The following FARS2 variants were observed in gnomAD, a reference collection of about 807,000 sequenced individuals.
FARS2 encodes phenylalanyl-tRNA synthetase 2, mitochondrial.
FARS2 carries 40 observed loss-of-function variants against 46.4 expected under a neutral mutation model. The observed-to-expected ratio is 0.86, with a 90% CI of 0.67 to 1.12. The LOEUF (loss-of-function observed/expected upper bound fraction) is 1.12. FARS2 is among the 50% of genes most tolerant of loss of function. The pLI, the probability that FARS2 is intolerant of heterozygous loss-of-function variation, is 0.00. For synonymous variants in FARS2, 234 were observed against 214.9 expected (o/e 1.09, Z -0.78); for missense variants, 513 against 567.9 (o/e 0.90, Z 0.98).
intron 6 of FARS2, among the ~76,000 whole-genome samples, chr6:5,689,858 A>T (rs902262511): frequency 6.6e-6 from 1 of 152,042 alleles, no homozygotes; most frequent in Non-Finnish European, 1.5e-5. Context: ...GTCTCTAAGG[A>T]CTTGCTTTAT....
chr6:5,418,274 A>C (rs1187914982), intron 3 of FARS2, among the ~76,000 whole-genome samples: 1 of 152,204 alleles, frequency 6.6e-6, no homozygotes, highest in Non-Finnish European at 1.5e-5. Flanking sequence ...ATATTGCCAA[A>C]CATTGTTAAT....
chr6:5,730,678 G>A (rs959393293), intron 6 of FARS2, among the ~76,000 whole-genome samples: 1 of 152,102 alleles, frequency 6.6e-6, no homozygotes, highest in Non-Finnish European at 1.5e-5. Context: ...CATCACAAAG[G>A]ACAGATTTTG....
At chr6:5,740,132 G>A (rs968780411) in intron 6 of FARS2, among the ~76,000 whole-genome samples, 3 of 152,190 alleles carry the variant, frequency 2.0e-5, no homozygotes, top group African/African-American at 7.2e-5. Context: ...AGTGGCATCT[G>A]TCTGCTGTGT....
intron 6 of FARS2, among the ~76,000 whole-genome samples, chr6:5,731,703 A>G (rs940582397): frequency 5.9e-5 from 9 of 152,146 alleles, no homozygotes; most frequent in African/African-American, 2.2e-4. Context: ...AAACCTATGG[A>G]TCTTTCACTT....
At chr6:5,760,231 A>T (rs1762412603) in intron 6 of FARS2, among the ~76,000 whole-genome samples, 1 of 152,254 alleles carries the variant, frequency 6.6e-6, no homozygotes, top group Admixed American at 6.5e-5. Context: ...AAGTTTTACA[A>T]CATAACACAG....
chr6:5,749,485 C>T (rs1338840706), intron 6 of FARS2, among the ~76,000 whole-genome samples: 1 of 152,186 alleles, frequency 6.6e-6, no homozygotes, highest in Non-Finnish European at 1.5e-5. Flanking sequence ...TCTGTGTCAC[C>T]TCCTGCTGCC....
At chr6:5,370,801 GTAGT>G (rs933589691) in intron 2 of FARS2, among the ~76,000 whole-genome samples, 12 of 152,154 alleles carry the variant, frequency 7.9e-5, no homozygotes, top group African/African-American at 2.9e-4. Context: ...GTCCAATTTG[GTAGT>G]TAGTACAAAT....
At chr6:5,295,201 T>C (rs1485981637) in intron 1 of FARS2, among the ~76,000 whole-genome samples, 1 of 152,234 alleles carries the variant, frequency 6.6e-6, no homozygotes, top group Non-Finnish European at 1.5e-5. Context: ...TGTGCCGTCA[T>C]ATACGTTATA....
At chr6:5,567,229 T>C (rs1016697396) in intron 5 of FARS2, among the ~76,000 whole-genome samples, 1 of 152,230 alleles carries the variant, frequency 6.6e-6, no homozygotes, top group African/African-American at 2.4e-5. Context: ...TGGTATCTCA[T>C]TGGGATTTTG....
chr6:5,751,404 T>C (rs1239961316), intron 6 of FARS2, among the ~76,000 whole-genome samples: 1 of 152,202 alleles, frequency 6.6e-6, no homozygotes, highest in East Asian at 1.9e-4. Context: ...CATTTTCCTG[T>C]TGGGCAAAAA....
chr6:5,582,299 C>A (rs1459969604), intron 5 of FARS2, among the ~76,000 whole-genome samples: 2 of 151,010 alleles, frequency 1.3e-5, no homozygotes, highest in Non-Finnish European at 2.9e-5. Context: ...TGATGCGCTT[C>A]TATAAATGGT....
chr6:5,366,775 C>G (rs781641120), intron 1 of FARS2, among the ~76,000 whole-genome samples: 2 of 152,168 alleles, frequency 1.3e-5, no homozygotes, highest in Non-Finnish European at 2.9e-5. Flanking sequence ...AACACATATG[C>G]CTTTGGGAGG....
intron 6 of FARS2, among the ~76,000 whole-genome samples, chr6:5,632,598 G>A (rs7743548): frequency 0.53 from 68,848 of 130,552 alleles, 16,446 homozygotes; most frequent in East Asian, 0.76. Context: ...CCCCCTTCCC[G>A]CTTCTTCCTT....
At chr6:5,621,989 G>A (rs544295989) in intron 6 of FARS2, among the ~76,000 whole-genome samples, 2 of 152,322 alleles carry the variant, frequency 1.3e-5, no homozygotes, top group East Asian at 1.9e-4. Context: ...TTTCTAGCCA[G>A]TCTGCTTCAT....
intron 5 of FARS2, among the ~76,000 whole-genome samples, chr6:5,596,929 C>T (rs1774233726): frequency 6.6e-6 from 1 of 152,216 alleles, no homozygotes; most frequent in South Asian, 2.1e-4. Flanking sequence ...AGGTACTTGA[C>T]AATGGCCCAG....
At chr6:5,412,501 T>A (rs544305922) in intron 3 of FARS2, among the ~76,000 whole-genome samples, 15 of 152,316 alleles carry the variant, frequency 9.8e-5, no homozygotes, top group Middle Eastern at 6.8e-3. Flanking sequence ...CATGGTCCCA[T>A]CCAGCAGAAA....
At chr6:5,373,270 G>A (rs573375100) in intron 2 of FARS2, among the ~76,000 whole-genome samples, 7 of 152,238 alleles carry the variant, frequency 4.6e-5, no homozygotes, top group South Asian at 2.1e-4. Context: ...GACGTCATCT[G>A]TCTAGGAAAA....
intron 4 of FARS2, among the ~76,000 whole-genome samples, chr6:5,500,518 T>C (rs1767729073): frequency 6.6e-6 from 1 of 152,218 alleles, no homozygotes; most frequent in South Asian, 2.1e-4. Flanking sequence ...GCGCCTCAGA[T>C]GCAGCTTGCA....
At chr6:5,290,352 C>T (rs888901725) in intron 1 of FARS2, among the ~76,000 whole-genome samples, 1 of 152,106 alleles carries the variant, frequency 6.6e-6, no homozygotes, top group East Asian at 1.9e-4. Flanking sequence ...GGACAGAAAC[C>T]ATGGTATCTC....
Sources: gnomAD v4.1 joint callset for allele counts (sites outside exome capture counted in the v4.1 genomes callset) on GRCh38, gnomAD v4.1.1 for gene constraint, MANE v1.5 for transcripts, NCBI Gene and HGNC (gene_info 2026-07-23, HGNC 2026-07-21) for gene names.